Variants in DPEP1 observed in about 807,000 individuals in gnomAD.
DPEP1 encodes the protein dipeptidase 1.
A neutral mutation model predicts 42.3 loss-of-function variants in DPEP1; 50 were observed. The observed-to-expected ratio is 1.18, with a 90% confidence interval of 0.94 to 1.50. DPEP1 has a LOEUF of 1.50. Ranked by LOEUF, DPEP1 falls within the 40% of genes most tolerant of loss-of-function variation. The pLI, the probability that DPEP1 is intolerant of heterozygous loss-of-function variation, is 0.00. For missense variants in DPEP1, 663 were observed against 553.0 expected, an observed-to-expected ratio of 1.20 and a Z score of -1.99; for synonymous variants, 297 against 234.0, an observed-to-expected ratio of 1.27 and a Z score of -2.46.
At position 89,618,456 on chromosome 16, in the gene DPEP1, G is replaced by A. The variant is rs117817715; in HGVS notation, c.-107+4737G>A. Among the ~76,000 whole-genome samples, 1,575 of 152,232 alleles carry A rather than the reference G, an allele frequency of 0.01. 94 individuals are homozygous for A. The East Asian group carries it at 0.18, about 17-fold the overall frequency. ...TGGTCTCAAACTCCTGGCCTCAAGC[G>A]ATCCTCCCGCCTTGGCCACCCAAAG... On this transcript the variant is annotated intron_variant, in intron 1 of 10. Transcript: ENST00000690203.
At chr16:89,615,189 A>T (rs1263323156) in intron 1 of DPEP1, among the ~76,000 whole-genome samples, 2 of 152,180 alleles carry the variant, frequency 1.3e-5, no homozygotes, top group African/African-American at 4.8e-5. Context: ...CCAGGAGCAG[A>T]CGGGGAGGGT....
In DPEP1 at chr16:89,633,922, C is replaced by T. The variant is rs55920156; in HGVS notation, c.105-1986C>T. 5.4e-3 allele frequency among the ~76,000 whole-genome samples: 820 copies of T among 152,210 alleles called. 5 individuals carry two copies. Among genetic ancestry groups the T allele is most frequent in the African/African-American group, 0.018 (732 of 41,542 alleles). On this transcript the variant is annotated intron_variant, in intron 2 of 10. Transcript: ENST00000690203. ...CAGGAAGGAGACTGAGGCCCCAGAC[C>T]CAGTGACGGGGAAGGGGAACCCTGG...
intron 1 of DPEP1, among the ~76,000 whole-genome samples, chr16:89,629,827 G>A (rs1339513942): frequency 6.6e-6 from 1 of 152,218 alleles, no homozygotes; most frequent in Non-Finnish European, 1.5e-5. Flanking sequence ...TCAGCAACAG[G>A]GCAGGCGCCA....
At chr16:89,621,495 GC>G (rs2151480910) in intron 1 of DPEP1, among the ~76,000 whole-genome samples, 1 of 152,322 alleles carries the variant, frequency 6.6e-6, no homozygotes, top group South Asian at 2.1e-4. Flanking sequence ...GGGCTGCTGA[GC>G]CTGCTGTGAG....
chr16:89,637,133 G>A (rs1162203886), intron 6 of DPEP1, 71 bp from the exon 7 acceptor site: 2 of 1,564,922 alleles, frequency 1.3e-6, no homozygotes, highest in African/African-American at 1.4e-5. Context: ...ACTCACATCT[G>A]GTCCAGCCCG....
chr16:89,622,589 T>G (rs1210721598), intron 1 of DPEP1, among the ~76,000 whole-genome samples: 2 of 151,920 alleles, frequency 1.3e-5, no homozygotes, highest in South Asian at 2.1e-4. Context: ...TTCAAGACCA[T>G]CCTGGCCAAC....
At chr16:89,636,960 C>A in intron 6 of DPEP1, 25 bp downstream of exon 6, 1 of 1,609,826 alleles carries the variant, frequency 6.2e-7, no homozygotes, top group South Asian at 1.1e-5. Context: ...AGCGGCCAGT[C>A]ACCCCCGAGG....
At chr16:89,633,961 T>TC (rs747064101) in intron 2 of DPEP1, among the ~76,000 whole-genome samples, 87 of 152,108 alleles carry the variant, frequency 5.7e-4, no homozygotes, top group Admixed American at 1.8e-3. Flanking sequence ...TTCCCCAGGG[T>TC]CGGGGGTCAG....
chr16:89,637,742 C>G (rs374740634), intron 9 of DPEP1, 35 bp downstream of exon 9: 37 of 1,612,696 alleles, frequency 2.3e-5, no homozygotes, highest in Non-Finnish European at 3.1e-5. Context: ...GTGGATGAGC[C>G]GGGAGGTTCA....
At chr16:89,615,590 C>T (rs1021606166) in intron 1 of DPEP1, among the ~76,000 whole-genome samples, 4 of 152,216 alleles carry the variant, frequency 2.6e-5, no homozygotes, top group Admixed American at 6.5e-5. Flanking sequence ...GCTCAGCCTT[C>T]CCAGGTCTTC....
chr16:89,624,628 A>G (rs1224825985), intron 1 of DPEP1, among the ~76,000 whole-genome samples: 3 of 151,724 alleles, frequency 2.0e-5, no homozygotes, highest in Non-Finnish European at 4.4e-5. Flanking sequence ...TCTGCCTCCC[A>G]GGTTCAAGCG....
In DPEP1 at chr16:89,629,484, C is replaced by T. The variant is rs573726404; in HGVS notation, c.-106-821C>T. The stretch of plus-strand genomic sequence containing the variant: ...GCCACTGTCCTCCAGCTGGGGCGAT[C>T]CTCCTTCCCTGCCGGGCTCCCCCCA... On this transcript the variant is annotated intron_variant, in intron 1 of 10. Coordinates refer to ENST00000690203, the MANE Select transcript of DPEP1 (RefSeq NM_001389466.1). Among the ~76,000 whole-genome samples, 501 of 150,134 alleles carry T rather than the reference C, an allele frequency of 3.3e-3. 1 individual carries two copies. Among genetic ancestry groups the T allele is most frequent in the Non-Finnish European group, 5.7e-3 (386 of 67,710 alleles).
In DPEP1 at chr16:89,630,521, G is replaced by T; in HGVS notation, c.104+7G>T. On this transcript the variant is annotated splice_region_variant and intron_variant, in intron 2 of 10. Transcript: ENST00000690203. ...ACTCCCCTGTCATTGATGGGTGAGT[G>T]CTCACCTGAGCCAGGTGCTTAGGGA... The T allele has an allele frequency of 6.4e-7, 1 of 1,562,462 alleles. No homozygotes were observed.
In DPEP1 at chr16:89,637,354, G is replaced by C. The variant is rs775262071; in HGVS notation, c.742G>C (p.Val248Leu). 5.6e-6 allele frequency: 9 copies of C among 1,612,172 alleles called. No individual in the cohort carries two copies. ...CAGCGTGTGCGCAAGCCGGCGCAAC[G>C]TGCCTGACGACGTCCTGAGGCTGGT... ...AYSVCASRRN[V>L]PDDVLRLVKQ... Residue 248 changes from valine to leucine, a missense_variant, in exon 7 of 11, where the codon GTG becomes CTG. Physicochemically the swap from Val to Leu is conservative, Grantham distance 32. Coordinates refer to ENST00000690203, the MANE Select transcript of DPEP1 (RefSeq NM_001389466.1).
Position 89,638,335 on chromosome 16 carries a change from C to T in DPEP1, c.*113C>T. 7.0e-7 allele frequency: 1 copy of T among 1,434,730 alleles called. No homozygotes were observed. The highest frequency in any genetic ancestry group is 9.1e-7 in the Non-Finnish European group (1 of 1,097,680). 88.9% of individuals were successfully genotyped at this position (1,434,730 alleles called of 1,614,324 possible). A position where few individuals can be genotyped will look rare whatever the true frequency, so the allele number is the denominator to read the frequency against. On this transcript the variant is annotated 3_prime_UTR_variant, in exon 11 of 11. Transcript: ENST00000690203. The stretch of plus-strand genomic sequence containing the variant: ...TGCCCACATGCAAGGACCAGCATCT[C>T]CTGAGAGGACGCCTGGGCTTACCTG...
At chr16:89,629,596 A>T (rs2059558697) in intron 1 of DPEP1, among the ~76,000 whole-genome samples, 1 of 130,972 alleles carries the variant, frequency 7.6e-6, no homozygotes, top group African/African-American at 2.9e-5. Context: ...ACTGTCCCCC[A>T]GAACCCCAGA....
At chr16:89,616,821 A>G in intron 1 of DPEP1, 1 of 263,708 alleles carries the variant, frequency 3.8e-6, no homozygotes, top group South Asian at 3.0e-5. Context: ...AGCGGCCAGG[A>G]AGTGGCCAGG....
chr16:89,638,011 C>G, intron 10 of DPEP1, 40 bp downstream of exon 10: 1 of 1,609,406 alleles, frequency 6.2e-7, no homozygotes, highest in Non-Finnish European at 8.5e-7. Context: ...CCCACCACCA[C>G]CAGCAGGCAG....
chr16:89,639,875 C>T (rs1252852275), downstream of DPEP1, among the ~76,000 whole-genome samples: 1 of 151,688 alleles, frequency 6.6e-6, no homozygotes, highest in Non-Finnish European at 1.5e-5. Context: ...CGAGGTTTCA[C>T]CATGTTGGCC....
Sources: allele counts gnomAD v4.1 joint callset (sites outside exome capture counted in the v4.1 genomes callset), GRCh38; gene constraint gnomAD v4.1.1; transcripts MANE v1.5; gene names NCBI Gene and HGNC (gene_info 2026-07-23, HGNC 2026-07-21).